ITPRIP: variants seen among roughly 807,000 people sequenced by gnomAD.
ITPRIP encodes the protein inositol 1,4,5-trisphosphate receptor-interacting protein.
Under a neutral mutation model 35.8 loss-of-function variants are expected in ITPRIP, and 32 were observed. The observed-to-expected ratio is 0.89, with a 90% CI of 0.68 to 1.20. ITPRIP has a LOEUF of 1.20. ITPRIP is among the 50% of genes most tolerant of loss of function. ITPRIP has a pLI of 0.00. For missense variants in ITPRIP, 653 were observed against 735.6 expected (o/e 0.89, Z 1.30); for synonymous variants, 358 against 324.0 (o/e 1.11, Z -1.13).
Position 104,313,426 on chromosome 10 carries a change from T to G in ITPRIP, c.*982A>C. On this transcript the variant is annotated 3_prime_UTR_variant, in exon 2 of 2. Transcript: ENST00000337478. ...CTGCGCACAGCCTCTGGGAGTGCCA[T>G]GGCCTCAGGTGCCTTGTGGTTGCCA... 8 of 985,906 alleles carry G rather than the reference T, an allele frequency of 8.1e-6. No individual in the cohort carries two copies. The highest frequency in any genetic ancestry group is 9.6e-6 in the Non-Finnish European group (8 of 830,120). The allele number at this position is 985,906 out of a possible 1,614,324, so 61.1% of individuals were successfully genotyped here.
rs971992399 is a variant in ITPRIP at position 104,310,111 on chromosome 10, G to C, written c.*4297C>G. 10 of 152,170 alleles carry C rather than the reference G, an allele frequency of 6.6e-5. No homozygotes were observed. The highest frequency in any genetic ancestry group is 2.4e-4 in the African/African-American group (10 of 41,420). 9.4% of individuals were successfully genotyped at this position (152,170 alleles called of 1,614,324 possible). On this transcript the variant is annotated 3_prime_UTR_variant, in exon 2 of 2. Coordinates refer to ENST00000337478, the MANE Select transcript of ITPRIP (RefSeq NM_001272013.2). ...GTGACTCTTGGCTCCCTCTGCTTTC[G>C]GTCGCTGGCCAAACCAAACAGCCTT...
chr10:104,325,144 C>T (rs1183040689), intron 1 of ITPRIP, among the ~76,000 whole-genome samples: 4 of 152,188 alleles, frequency 2.6e-5, no homozygotes, highest in Admixed American at 6.5e-5. Flanking sequence ...TGCTTGAGCC[C>T]GGGAGGCGGA....
chr10:104,314,614 C>A lies in ITPRIP; in HGVS notation c.1438G>T (p.Gly480Cys). 6.2e-7 allele frequency: 1 copy of A among 1,614,132 alleles called. No individual in the cohort carries two copies. The change falls in exon 2 of 2, where the codon GGC (glycine) becomes TGC (cysteine). Residue 480 changes from glycine to cysteine, a missense_variant. By Grantham distance (159) the Gly-to-Cys change is radical. Coordinates refer to ENST00000337478, the MANE Select transcript of ITPRIP (RefSeq NM_001272013.2). ...ATGGCCTCAGGCACCTTGCGGTTGCCGATGAAGAAGTGGTGGAGCTTCTTC... is the reference window on the plus strand; with the variant it reads ...ATGGCCTCAGGCACCTTGCGGTTGCAGATGAAGAAGTGGTGGAGCTTCTTC... ...LQKKLHHFFI[G>C]NRKVPEAMGL...
chr10:104,329,043 G>GCACACACACACACACACACACA (rs66606338), intron 1 of ITPRIP: 3 of 149,020 alleles, frequency 2.0e-5, no homozygotes, highest in African/African-American at 7.4e-5. Flanking sequence ...CTGCACGCAT[G>GCACACACACACACACACACACA]CACACACACA....
At chr10:104,335,835 C>T (rs1445162320) in intron 1 of ITPRIP, among the ~76,000 whole-genome samples, 9 of 152,128 alleles carry the variant, frequency 5.9e-5, no homozygotes. Flanking sequence ...CATCCCTGTG[C>T]CTCAGTTTCC....
chr10:104,312,067 CCTGTCCCCAACT>C lies in ITPRIP; in HGVS notation c.*2329_*2340del, dbSNP rs2135171155. 1 of 152,300 alleles carries C rather than the reference CCTGTCCCCAACT, an allele frequency of 6.6e-6. No homozygotes were observed. The highest frequency in any genetic ancestry group is 1.9e-4 in the East Asian group (1 of 5,186). 9.4% of individuals were successfully genotyped at this position (152,300 alleles called of 1,614,324 possible). A position where few individuals can be genotyped will look rare whatever the true frequency, so the allele number is the denominator to read the frequency against. ...GCTTTGTCAATAGGAAATCCACCCC[CCTGTCCCCAACT>C]CTGCCCTGGGAGCCTCACAGATTTC... On this transcript the variant is annotated 3_prime_UTR_variant, in exon 2 of 2. Coordinates refer to ENST00000337478, the MANE Select transcript of ITPRIP (RefSeq NM_001272013.2).
At chr10:104,319,878 C>T (rs1207137222) in intron 1 of ITPRIP, among the ~76,000 whole-genome samples, 2 of 152,090 alleles carry the variant, frequency 1.3e-5, no homozygotes, top group Admixed American at 1.3e-4. Flanking sequence ...ACCCTCCTCC[C>T]TCTGGAATTC....
At chr10:104,319,925 T>A (rs2013801269) in intron 1 of ITPRIP, among the ~76,000 whole-genome samples, 1 of 151,798 alleles carries the variant, frequency 6.6e-6, no homozygotes, top group Non-Finnish European at 1.5e-5. Flanking sequence ...AAAACAGAGA[T>A]CCTAGGAGTG....
chr10:104,329,264 C>G (rs2014100663), intron 1 of ITPRIP, among the ~76,000 whole-genome samples: 1 of 139,816 alleles, frequency 7.2e-6, no homozygotes, highest in Admixed American at 6.7e-5. Context: ...GCCAGCCCTC[C>G]CACACCAGTT....
rs576313472 is a variant in ITPRIP, at chr10:104,333,626, C to A, written c.-14+4620G>T. On this transcript the variant is annotated intron_variant, in intron 1 of 1. Transcript: ENST00000337478. This position sits in a 1 kb window ranked among gnomAD's most constrained non-coding sequence, Gnocchi z 4.1. ...TTTCCTCGCCCAGAAGAGCTCCTTA[C>A]CCTTCCTTCCTCTCTGGATGCCTGT... The A allele has an allele frequency of 4.6e-5, 7 of 152,464 alleles. No individual in the cohort carries two copies. The highest frequency in any genetic ancestry group is 1.7e-4 in the African/African-American group (7 of 41,574). 9.4% of individuals were successfully genotyped at this position (152,464 alleles called of 1,614,324 possible). A position where few individuals can be genotyped will look rare whatever the true frequency, so the allele number is the denominator to read the frequency against.
chr10:104,325,911 CTGGA>C (rs2013994312), intron 1 of ITPRIP, among the ~76,000 whole-genome samples: 2 of 152,202 alleles, frequency 1.3e-5, no homozygotes, highest in Non-Finnish European at 2.9e-5. Context: ...AGGGGTCAGT[CTGGA>C]CTCTGGTGAG....
intron 1 of ITPRIP, among the ~76,000 whole-genome samples, chr10:104,327,586 A>C (rs1027095845): frequency 2.0e-5 from 3 of 152,156 alleles, no homozygotes; most frequent in Non-Finnish European, 4.4e-5. Context: ...ATCCCAAGAC[A>C]AATCCCTCTT....
At chr10:104,317,173 T>A (rs1026018280) in intron 1 of ITPRIP, among the ~76,000 whole-genome samples, 3 of 152,208 alleles carry the variant, frequency 2.0e-5, no homozygotes, top group Non-Finnish European at 2.9e-5. Flanking sequence ...CCCAGGACAA[T>A]CTTGATGATG....
At chr10:104,322,862 G>A (rs939737615) in intron 1 of ITPRIP, among the ~76,000 whole-genome samples, 24 of 152,156 alleles carry the variant, frequency 1.6e-4, no homozygotes, top group African/African-American at 5.8e-4. Flanking sequence ...CCTTTCACTA[G>A]GTTCTGGGTC....
At chr10:104,317,288 A>AT (rs1314853702) in intron 1 of ITPRIP, among the ~76,000 whole-genome samples, 1 of 152,200 alleles carries the variant, frequency 6.6e-6, no homozygotes, top group African/African-American at 2.4e-5. Flanking sequence ...GGATAAGTGG[A>AT]TTTTTAAGCC....
Position 104,326,199 on chromosome 10 carries a change from AC to A in ITPRIP, c.-13-10136del, listed in dbSNP as rs2014006599. ...CCAGAATGCCAACTCTGTTCTCAGGACTGGGTCATGGGGGTGGTCTGCCAGC... is the reference window on the plus strand; with the variant it reads ...CCAGAATGCCAACTCTGTTCTCAGGATGGGTCATGGGGGTGGTCTGCCAGC... On this transcript the variant is annotated intron_variant, in intron 1 of 1. Coordinates refer to ENST00000337478, the MANE Select transcript of ITPRIP (RefSeq NM_001272013.2). The surrounding 1 kb of genome is among the most constrained non-coding windows in gnomAD (Gnocchi z 4.8). 6.6e-6 allele frequency: 1 copy of A among 152,200 alleles called. No homozygotes were observed. Among genetic ancestry groups the A allele is most frequent in the African/African-American group, 2.4e-5 (1 of 41,388 alleles). 9.4% of individuals were successfully genotyped at this position (152,200 alleles called of 1,614,324 possible).
intron 1 of ITPRIP, among the ~76,000 whole-genome samples, chr10:104,334,541 A>G (rs576140490): frequency 2.6e-5 from 4 of 152,270 alleles, no homozygotes; most frequent in Non-Finnish European, 4.4e-5. Flanking sequence ...GCAAAGCACT[A>G]AACAAATAGG....
intron 1 of ITPRIP, among the ~76,000 whole-genome samples, chr10:104,321,862 C>T (rs1429208394): frequency 6.6e-6 from 1 of 152,132 alleles, no homozygotes; most frequent in Non-Finnish European, 1.5e-5. Context: ...TTCTGTCTGT[C>T]TTTGCCAGCA....
intron 1 of ITPRIP, among the ~76,000 whole-genome samples, chr10:104,320,590 T>C (rs2013822960): frequency 6.7e-6 from 1 of 149,316 alleles, no homozygotes; most frequent in Non-Finnish European, 1.5e-5. Context: ...TGGGCTAGAG[T>C]GCAGTGGAGG....
Sources: allele counts gnomAD v4.1 joint callset (sites outside exome capture counted in the v4.1 genomes callset), GRCh38; gene constraint gnomAD v4.1.1; non-coding constraint Gnocchi (gnomAD v3.1); transcripts MANE v1.5; gene names NCBI Gene and HGNC (gene_info 2026-07-23, HGNC 2026-07-21).